Variants in RREB1 observed in about 807,000 individuals in gnomAD.
RREB1 encodes the protein ras responsive element binding protein 1, also known as ras-responsive element-binding protein 1.
RREB1 carries 27 observed loss-of-function variants against 117.8 expected under a neutral mutation model. That is an observed-to-expected ratio of 0.23 (90% CI 0.17 to 0.32). RREB1 has a LOEUF of 0.32. RREB1 is among the 10% of genes least tolerant of loss of function. RREB1 has a pLI of 1.00. For missense variants in RREB1, 2,577 were observed against 2,378.2 expected, an observed-to-expected ratio of 1.08 and a Z score of -1.74; for synonymous variants, 1,298 against 1,026.7, an observed-to-expected ratio of 1.26 and a Z score of -5.05.
At chr6:7,227,552 AT>A (rs397936470) in intron 9 of RREB1, among the ~76,000 whole-genome samples, 4 of 150,940 alleles carry the variant, frequency 2.7e-5, no homozygotes, top group Non-Finnish European at 4.4e-5. Context: ...GAAAAAAAAA[AT>A]TTTTTTTTTA....
At chr6:7,246,391 C>CT in intron 11 of RREB1, 33 bp from the exon 12 acceptor site, 6 of 1,448,052 alleles carry the variant, frequency 4.1e-6, no homozygotes, top group Non-Finnish European at 5.5e-6. Flanking sequence ...GGTGGTGCCC[C>CT]TCTGAGCCCT....
intron 1 of RREB1, among the ~76,000 whole-genome samples, chr6:7,138,319 G>T (rs1762428231): frequency 6.6e-6 from 1 of 152,158 alleles, no homozygotes; most frequent in Admixed American, 6.5e-5. Context: ...TAATTGGTGG[G>T]AAGGAAAACT....
chr6:7,129,446 C>T (rs1350852655), intron 1 of RREB1, among the ~76,000 whole-genome samples: 2 of 152,216 alleles, frequency 1.3e-5, no homozygotes, highest in Non-Finnish European at 2.9e-5. Context: ...CAACAGTGGG[C>T]ATGTGGTTTG....
At chr6:7,223,276 A>G (rs949560790) in intron 8 of RREB1, among the ~76,000 whole-genome samples, 2 of 150,660 alleles carry the variant, frequency 1.3e-5, no homozygotes, top group Admixed American at 1.3e-4. Context: ...AAAAAAAAAA[A>G]AAAGGCCGGG....
At chr6:7,111,514 G>A (rs926605924) in intron 1 of RREB1, among the ~76,000 whole-genome samples, 2 of 152,104 alleles carry the variant, frequency 1.3e-5, no homozygotes, top group African/African-American at 4.8e-5. Flanking sequence ...ATAGGATAAG[G>A]GTTGCTAAGC....
At chr6:7,245,258 T>TGGTGGTGGGCGC (rs1304456221) in intron 11 of RREB1, among the ~76,000 whole-genome samples, 1 of 151,828 alleles carries the variant, frequency 6.6e-6, no homozygotes, top group African/African-American at 2.4e-5. Flanking sequence ...CAGCTGGGCG[T>TGGTGGTGGGCGC]GGTGGTGGGC....
chr6:7,120,004 A>G (rs1761601829), intron 1 of RREB1, among the ~76,000 whole-genome samples: 1 of 152,082 alleles, frequency 6.6e-6, no homozygotes, highest in South Asian at 2.1e-4. Flanking sequence ...GTGGATGATG[A>G]TGCCTCTGAC....
chr6:7,175,413 C>G (rs1581492439), intron 1 of RREB1, among the ~76,000 whole-genome samples: 1 of 152,094 alleles, frequency 6.6e-6, no homozygotes, highest in African/African-American at 2.4e-5. Context: ...TCTGCATTCC[C>G]TTCTGTGGCA....
chr6:7,120,043 C>T (rs565085135), intron 1 of RREB1, among the ~76,000 whole-genome samples: 84 of 152,206 alleles, frequency 5.5e-4, no homozygotes, highest in African/African-American at 2.0e-3. Context: ...TCAGGGTTTA[C>T]GAACAAGGTG....
In RREB1 at chr6:7,125,987, TTTTGTTTG is replaced by T. The variant is rs58891233; in HGVS notation, c.-285+17951_-285+17958del. Among the ~76,000 whole-genome samples, 522 of 150,802 alleles carry T rather than the reference TTTTGTTTG, an allele frequency of 3.5e-3. 6 individuals carry two copies. Among genetic ancestry groups the T allele is most frequent in the African/African-American group, 0.012 (488 of 41,010 alleles). The stretch of plus-strand genomic sequence containing the variant: ...TTCCTGTCTGCGGAGAAGGACTGTT[TTTTGTTTG>T]TTTGTTTGTTTGTTTGTTTGTTTTG... On this transcript the variant is annotated intron_variant, in intron 1 of 12. Coordinates refer to ENST00000379938, the MANE Select transcript of RREB1 (RefSeq NM_001003699.4).
intron 1 of RREB1, among the ~76,000 whole-genome samples, chr6:7,173,470 G>A (rs1298500323): frequency 2.0e-5 from 3 of 151,510 alleles, no homozygotes; most frequent in Non-Finnish European, 2.9e-5. Context: ...TCCAGCCTGG[G>A]CGACAGAATG....
chr6:7,180,773 C>T (rs1209262050), intron 2 of RREB1, among the ~76,000 whole-genome samples: 4 of 152,168 alleles, frequency 2.6e-5, no homozygotes, highest in African/African-American at 9.7e-5. Flanking sequence ...TAGATAAAGG[C>T]GTGAGACGGG....
chr6:7,195,066 G>A (rs1311889024), intron 6 of RREB1, among the ~76,000 whole-genome samples: 1 of 152,154 alleles, frequency 6.6e-6, no homozygotes, highest in East Asian at 1.9e-4. Flanking sequence ...CTCTTTTATT[G>A]TTGTATGTGC....
chr6:7,144,291 G>A (rs1312176004), intron 1 of RREB1, among the ~76,000 whole-genome samples: 2 of 152,098 alleles, frequency 1.3e-5, no homozygotes, highest in Non-Finnish European at 2.9e-5. Flanking sequence ...ATTTCACAAT[G>A]TATACATGTA....
At chr6:7,137,726 G>A (rs765504714) in intron 1 of RREB1, among the ~76,000 whole-genome samples, 18 of 152,010 alleles carry the variant, frequency 1.2e-4, no homozygotes, top group African/African-American at 3.4e-4. Flanking sequence ...TGTCTCTCTC[G>A]GTGATGCTGG....
intron 1 of RREB1, among the ~76,000 whole-genome samples, chr6:7,120,315 A>C (rs1279212715): frequency 6.6e-6 from 1 of 152,012 alleles, no homozygotes; most frequent in Admixed American, 6.6e-5. Context: ...TTAGCCGGGC[A>C]TGGTGGTACA....
intron 1 of RREB1, among the ~76,000 whole-genome samples, chr6:7,158,290 C>G (rs1387245067): frequency 6.6e-6 from 1 of 152,046 alleles, no homozygotes; most frequent in Non-Finnish European, 1.5e-5. Flanking sequence ...TCAGGTTTAA[C>G]TTTCCCTCCC....
At chr6:7,158,945 A>G (rs558065826) in intron 1 of RREB1, among the ~76,000 whole-genome samples, 1 of 152,162 alleles carries the variant, frequency 6.6e-6, no homozygotes, top group South Asian at 2.1e-4. Flanking sequence ...AGGATAAAAG[A>G]AGGACTGAGC....
intron 1 of RREB1, among the ~76,000 whole-genome samples, chr6:7,164,895 G>A (rs566502155): frequency 5.3e-5 from 8 of 152,350 alleles, no homozygotes; most frequent in South Asian, 4.1e-4. Flanking sequence ...GTTAAAGGAC[G>A]CTATTAAATG....
Sources: allele counts gnomAD v4.1 joint callset (sites outside exome capture counted in the v4.1 genomes callset), GRCh38; gene constraint gnomAD v4.1.1; transcripts MANE v1.5; gene names NCBI Gene and HGNC (gene_info 2026-07-23, HGNC 2026-07-21).